Variants in CTNNA3 observed in about 807,000 individuals in gnomAD.
CTNNA3 encodes the protein catenin alpha 3.
A neutral mutation model predicts 95.7 loss-of-function variants in CTNNA3; 76 were observed. The ratio of observed to expected loss-of-function variants is 0.79; its 90% CI spans 0.66 to 0.96. CTNNA3 has a LOEUF of 0.96. Ranked by LOEUF, CTNNA3 falls within the 40% of genes least tolerant of loss-of-function variation. The pLI is 0.00. For missense variants in CTNNA3, 1,191 were observed against 1,089.8 expected (o/e 1.09, Z -1.31); for synonymous variants, 431 against 374.4 (o/e 1.15, Z -1.74).
intron 7 of CTNNA3, among the ~76,000 whole-genome samples, chr10:67,179,629 C>G (rs1013435989): frequency 4.0e-5 from 6 of 151,870 alleles, no homozygotes; most frequent in African/African-American, 1.5e-4. Context: ...AGTAGTTTGA[C>G]ACCAGTCTGG....
intron 7 of CTNNA3, among the ~76,000 whole-genome samples, chr10:67,127,213 C>A (rs1859760573): frequency 6.6e-6 from 1 of 152,036 alleles, no homozygotes; most frequent in South Asian, 2.1e-4. Flanking sequence ...CTATCTAGTT[C>A]TATTTGGTTA....
At chr10:66,443,806 G>A (rs887201835) in intron 11 of CTNNA3, among the ~76,000 whole-genome samples, 2 of 152,136 alleles carry the variant, frequency 1.3e-5, no homozygotes, top group Non-Finnish European at 2.9e-5. Flanking sequence ...CACCAGCAAC[G>A]GAACAAAGCT....
At chr10:67,651,747 C>T (rs1279399180) in intron 1 of CTNNA3, among the ~76,000 whole-genome samples, 1 of 151,952 alleles carries the variant, frequency 6.6e-6, no homozygotes, top group Non-Finnish European at 1.5e-5. Flanking sequence ...CTTTCTACAC[C>T]TTCCTGTTTA....
chr10:67,139,940 C>T (rs1218340623), intron 7 of CTNNA3, among the ~76,000 whole-genome samples: 1 of 152,092 alleles, frequency 6.6e-6, no homozygotes, highest in African/African-American at 2.4e-5. Flanking sequence ...TCCTAATGAA[C>T]ATTATGGAAT....
chr10:67,220,535 T>C (rs1864606229), intron 5 of CTNNA3, among the ~76,000 whole-genome samples: 1 of 152,064 alleles, frequency 6.6e-6, no homozygotes, highest in Non-Finnish European at 1.5e-5. Flanking sequence ...TGAACAAATA[T>C]ACGAGATGAT....
intron 7 of CTNNA3, among the ~76,000 whole-genome samples, chr10:66,938,471 A>C (rs544920241): frequency 6.6e-6 from 1 of 152,320 alleles, no homozygotes; most frequent in African/African-American, 2.4e-5. Context: ...AATCATAAGG[A>C]AAAGAAAATA....
intron 15 of CTNNA3, among the ~76,000 whole-genome samples, chr10:66,038,946 A>G (rs2079623458): frequency 6.6e-6 from 1 of 152,246 alleles, no homozygotes; most frequent in Non-Finnish European, 1.5e-5. Context: ...AAAGAGAGGA[A>G]GTCAAACTAT....
In CTNNA3 at chr10:67,647,401, C is replaced by T; in HGVS notation, c.99+14G>A. On this transcript the variant is annotated intron_variant, in intron 2 of 17. Coordinates refer to ENST00000433211, the MANE Select transcript of CTNNA3 (RefSeq NM_013266.4). ...TGCAGTTACTATATATCATAATTTC[C>T]ATGGTATTAATACCTGGATTATGAG... The T allele has an allele frequency of 1.3e-6, 2 of 1,562,740 alleles. No homozygotes were observed. Among genetic ancestry groups the T allele is most frequent in the East Asian group, 2.3e-5 (1 of 44,042 alleles).
At chr10:65,923,079 T>C (rs2077115509) in intron 17 of CTNNA3, among the ~76,000 whole-genome samples, 1 of 152,130 alleles carries the variant, frequency 6.6e-6, no homozygotes, top group Admixed American at 6.6e-5. Flanking sequence ...GGTCGCTCCC[T>C]CACACTTGGG....
At chr10:66,622,697 G>A (rs946058273) in intron 9 of CTNNA3, among the ~76,000 whole-genome samples, 1 of 151,978 alleles carries the variant, frequency 6.6e-6, no homozygotes, top group Non-Finnish European at 1.5e-5. Context: ...AAATATCTCT[G>A]TCAGTTGTTT....
chr10:67,279,371 A>G (rs951430901), intron 5 of CTNNA3, among the ~76,000 whole-genome samples: 2 of 152,198 alleles, frequency 1.3e-5, no homozygotes, highest in African/African-American at 4.8e-5. Flanking sequence ...GGTTAAGGAC[A>G]TACCCTTATT....
intron 3 of CTNNA3, among the ~76,000 whole-genome samples, chr10:67,591,886 T>C (rs1842797986): frequency 6.8e-6 from 1 of 147,592 alleles, no homozygotes; most frequent in African/African-American, 2.7e-5. Context: ...CATATTATAA[T>C]AATATTACTG....
chr10:66,819,552 A>G (rs1441514664), intron 7 of CTNNA3, among the ~76,000 whole-genome samples: 1 of 152,200 alleles, frequency 6.6e-6, no homozygotes, highest in Non-Finnish European at 1.5e-5. Flanking sequence ...AAGAAATTGA[A>G]AAAAACACAC....
intron 7 of CTNNA3, among the ~76,000 whole-genome samples, chr10:67,105,163 C>T (rs577977376): frequency 2.0e-5 from 3 of 151,998 alleles, no homozygotes; most frequent in Non-Finnish European, 4.4e-5. Flanking sequence ...CATCAAGTGT[C>T]ATCATAAAGG....
chr10:66,640,576 A>C (rs1267870139), intron 9 of CTNNA3, among the ~76,000 whole-genome samples: 1 of 152,120 alleles, frequency 6.6e-6, no homozygotes, highest in Non-Finnish European at 1.5e-5. Context: ...TCCCCAGTAA[A>C]TCTTCAGGAT....
chr10:66,692,128 G>T (rs1204315295), intron 9 of CTNNA3, among the ~76,000 whole-genome samples: 1 of 152,192 alleles, frequency 6.6e-6, no homozygotes, highest in Non-Finnish European at 1.5e-5. Flanking sequence ...ACTTTGACGA[G>T]TTGAGAGAAG....
intron 7 of CTNNA3, among the ~76,000 whole-genome samples, chr10:66,793,988 A>G (rs1841087056): frequency 6.6e-6 from 1 of 152,176 alleles, no homozygotes; most frequent in Non-Finnish European, 1.5e-5. Flanking sequence ...CACTGAATTC[A>G]AACTTTCCCC....
intron 11 of CTNNA3, among the ~76,000 whole-genome samples, chr10:66,396,897 T>C (rs901609281): frequency 1.3e-5 from 2 of 151,814 alleles, no homozygotes; most frequent in Admixed American, 1.3e-4. Context: ...TAAACACAAA[T>C]AATAACTTTA....
chr10:67,126,433 G>A (rs982744878), intron 7 of CTNNA3, among the ~76,000 whole-genome samples: 19 of 152,258 alleles, frequency 1.2e-4, no homozygotes, highest in African/African-American at 2.2e-4. Flanking sequence ...AGACTGAGGC[G>A]GGAGAATCGC....
Sources: allele counts gnomAD v4.1 joint callset (sites outside exome capture counted in the v4.1 genomes callset), GRCh38; gene constraint gnomAD v4.1.1; transcripts MANE v1.5; gene names NCBI Gene and HGNC (gene_info 2026-07-23, HGNC 2026-07-21).